Variants in NRP1 observed in about 807,000 individuals in gnomAD.
NRP1 encodes neuropilin 1, also known as neuropilin-1.
NRP1 carries 35 observed loss-of-function variants against 106.7 expected under a neutral mutation model. The ratio of observed to expected loss-of-function variants is 0.33; its 90% CI spans 0.25 to 0.43. The LOEUF (loss-of-function observed/expected upper bound fraction) is 0.43, where lower values mean the gene tolerates loss of function less well. Ranked by LOEUF, NRP1 falls within the 20% of genes least tolerant of loss-of-function variation. The pLI is 1.00. For missense variants in NRP1, 1,024 were observed against 1,170.4 expected (o/e 0.87, Z 1.83); for synonymous variants, 437 against 417.9 (o/e 1.05, Z -0.56).
chr10:33,294,465 A>G (rs1368758858), intron 2 of NRP1, among the ~76,000 whole-genome samples: 1 of 151,964 alleles, frequency 6.6e-6, no homozygotes, highest in African/African-American at 2.4e-5. Flanking sequence ...TAAAAATACA[A>G]AATTAGCCGG....
chr10:33,318,955 TG>T (rs1010191484), intron 2 of NRP1, among the ~76,000 whole-genome samples: 7 of 150,794 alleles, frequency 4.6e-5, no homozygotes, highest in African/African-American at 1.7e-4. Flanking sequence ...TGAAGCCAAC[TG>T]GACTTCCGGG....
At chr10:33,222,621 A>C (rs1421694589) in intron 7 of NRP1, among the ~76,000 whole-genome samples, 1 of 151,912 alleles carries the variant, frequency 6.6e-6, no homozygotes, top group Admixed American at 6.6e-5. Flanking sequence ...CCCGGGTTCA[A>C]GCAATTCTCC....
intron 2 of NRP1, among the ~76,000 whole-genome samples, chr10:33,300,910 G>A (rs1017277250): frequency 6.6e-6 from 1 of 152,062 alleles, no homozygotes; most frequent in African/African-American, 2.4e-5. Flanking sequence ...TGACCACCTT[G>A]GGCACATGTC....
intron 2 of NRP1, among the ~76,000 whole-genome samples, chr10:33,329,839 A>T (rs1248422124): frequency 6.6e-6 from 1 of 152,216 alleles, no homozygotes; most frequent in Non-Finnish European, 1.5e-5. Flanking sequence ...ACGAGCAAAC[A>T]TGTATCTGAG....
intron 2 of NRP1, among the ~76,000 whole-genome samples, chr10:33,314,017 C>CTTCTTTCCCTCTCTCTCT (rs141266035): frequency 9.7e-6 from 1 of 102,846 alleles, no homozygotes. Flanking sequence ...TCCTTCCTTC[C>CTTCTTTCCCTCTCTCTCT]TTCTCTCTCT....
intron 15 of NRP1, 85 bp from the exon 16 acceptor site, chr10:33,182,833 G>GCGCACACACACA (rs374584878): frequency 0.013 from 9,731 of 743,378 alleles, 103 homozygotes; most frequent in African/African-American, 0.043. Flanking sequence ...TTAGGTACAT[G>GCGCACACACACA]CACACACACA....
At chr10:33,186,096 G>A in intron 14 of NRP1, 121 bp downstream of exon 14, 1 of 1,275,394 alleles carries the variant, frequency 7.8e-7, no homozygotes, top group African/African-American at 1.5e-5. Flanking sequence ...AATATCTCAG[G>A]GTTGGGAAAC....
intron 9 of NRP1, among the ~76,000 whole-genome samples, chr10:33,209,947 G>A (rs1273987574): frequency 6.6e-5 from 10 of 152,250 alleles, no homozygotes; most frequent in South Asian, 4.1e-4. Flanking sequence ...TCAGGAGTGG[G>A]AGCCATGCCC....
At chr10:33,274,244 G>A (rs961825893) in intron 2 of NRP1, among the ~76,000 whole-genome samples, 5 of 152,050 alleles carry the variant, frequency 3.3e-5, no homozygotes, top group South Asian at 4.1e-4. Context: ...TAGAATCCAC[G>A]CTCCTCAAGC....
At chr10:33,190,439 G>A (rs1304773722) in intron 13 of NRP1, among the ~76,000 whole-genome samples, 2 of 152,166 alleles carry the variant, frequency 1.3e-5, no homozygotes, top group East Asian at 3.8e-4. Context: ...CAGATTTGAA[G>A]GAGTCCAATT....
At chr10:33,297,233 G>C (rs543754749) in intron 2 of NRP1, among the ~76,000 whole-genome samples, 1 of 152,248 alleles carries the variant, frequency 6.6e-6, no homozygotes, top group South Asian at 2.1e-4. Flanking sequence ...GATAAATATT[G>C]CATTTGGAAC....
intron 6 of NRP1, among the ~76,000 whole-genome samples, chr10:33,251,319 GA>G (rs1422423598): frequency 2.0e-5 from 3 of 152,154 alleles, no homozygotes; most frequent in African/African-American, 7.2e-5. Context: ...CAGTCATGCA[GA>G]ACTGAGTCAA....
chr10:33,303,332 A>G (rs947177826), intron 2 of NRP1, among the ~76,000 whole-genome samples: 1 of 152,204 alleles, frequency 6.6e-6, no homozygotes, highest in African/African-American at 2.4e-5. Flanking sequence ...TTGAATTCTT[A>G]TCGTAGATTT....
chr10:33,265,116 A>AAAACAAAC (rs372867658), intron 3 of NRP1, among the ~76,000 whole-genome samples: 1 of 151,592 alleles, frequency 6.6e-6, no homozygotes, highest in African/African-American at 2.4e-5. Flanking sequence ...TCCGCCTCAA[A>AAAACAAAC]AAACAAACAA....
chr10:33,199,410 T>A (rs1300231911), intron 11 of NRP1, among the ~76,000 whole-genome samples: 1 of 115,304 alleles, frequency 8.7e-6, no homozygotes, highest in Non-Finnish European at 1.8e-5. Context: ...TTTTTTTTTT[T>A]TTTTTTTTTT....
chr10:33,321,183 C>T (rs959386592), intron 2 of NRP1, among the ~76,000 whole-genome samples: 1 of 152,132 alleles, frequency 6.6e-6, no homozygotes, highest in African/African-American at 2.4e-5. Context: ...GACCGGGTTT[C>T]ACCATATTGG....
intron 3 of NRP1, among the ~76,000 whole-genome samples, chr10:33,265,605 T>C (rs1842866069): frequency 6.6e-6 from 1 of 152,190 alleles, no homozygotes; most frequent in Non-Finnish European, 1.5e-5. Flanking sequence ...TTCCTCCTCA[T>C]GCACATATCG....
At chr10:33,325,511 G>GTGTAAATGTGCAGGAATAAA (rs1564491898) in intron 2 of NRP1, among the ~76,000 whole-genome samples, 1 of 152,186 alleles carries the variant, frequency 6.6e-6, no homozygotes, top group African/African-American at 2.4e-5. Flanking sequence ...ATGCCAATAA[G>GTGTAAATGTGCAGGAATAAA]TGTAAATGTG....
intron 2 of NRP1, among the ~76,000 whole-genome samples, chr10:33,325,944 C>T (rs1280646810): frequency 6.6e-6 from 1 of 152,158 alleles, no homozygotes; most frequent in Non-Finnish European, 1.5e-5. Context: ...TTCTTCTTGT[C>T]AGTAGGAAAA....
Sources: allele counts gnomAD v4.1 joint callset (sites outside exome capture counted in the v4.1 genomes callset), GRCh38; gene constraint gnomAD v4.1.1; transcripts MANE v1.5; gene names NCBI Gene and HGNC (gene_info 2026-07-23, HGNC 2026-07-21).